Variants in CHD6 observed in about 807,000 individuals in gnomAD.
The protein encoded by CHD6 is chromodomain helicase DNA binding protein 6.
A neutral mutation model predicts 276.9 loss-of-function variants in CHD6; 50 were observed. The observed-to-expected ratio is 0.18, with a 90% CI of 0.14 to 0.23. CHD6 has a LOEUF of 0.23. CHD6 is among the 10% of genes least tolerant of loss of function. The pLI is 1.00. For synonymous variants in CHD6, 1,173 were observed against 1,229.3 expected, an observed-to-expected ratio of 0.95 and a Z score of 0.96; for missense variants, 2,564 against 3,365.8, an observed-to-expected ratio of 0.76 and a Z score of 5.89.
intron 27 of CHD6, among the ~76,000 whole-genome samples, chr20:41,426,762 ATGTG>A (rs2047377880): frequency 6.6e-6 from 1 of 152,206 alleles, no homozygotes; most frequent in Non-Finnish European, 1.5e-5. Flanking sequence ...AAGTCGGTGT[ATGTG>A]TCAAACCAGC....
intron 1 of CHD6, among the ~76,000 whole-genome samples, chr20:41,608,708 C>T (rs2045854694): frequency 6.6e-6 from 1 of 152,172 alleles, no homozygotes; most frequent in African/African-American, 2.4e-5. Context: ...TCAGAAGTAC[C>T]TTCTAACTCT....
chr20:41,556,645 T>C (rs1318591408), intron 1 of CHD6, among the ~76,000 whole-genome samples: 2 of 152,152 alleles, frequency 1.3e-5, no homozygotes, highest in Non-Finnish European at 2.9e-5. Flanking sequence ...TCTAGTTCAC[T>C]GAAAGCAGAC....
rs1279972402 is a variant in CHD6, at chr20:41,592,058, C to T, written c.-24+26282G>A. On this transcript the variant is annotated intron_variant, in intron 1 of 36. Coordinates refer to ENST00000373233, the MANE Select transcript of CHD6 (RefSeq NM_032221.5). ...AGCTTGTAGTGAGCCGAGATCGTGC[C>T]GCTGCACTCCAGCCTGGGCGACAGA... 4.6e-5 allele frequency among the ~76,000 whole-genome samples: 7 copies of T among 152,110 alleles called. No homozygotes were observed. In the South Asian group the frequency reaches 6.2e-4, roughly 13 times the overall value.
chr20:41,530,152 A>C (rs1455190219), intron 3 of CHD6, among the ~76,000 whole-genome samples: 2 of 152,210 alleles, frequency 1.3e-5, no homozygotes, highest in Non-Finnish European at 2.9e-5. Context: ...ACAAGCTAAC[A>C]AATGTTTTTC....
chr20:41,440,235 C>A, intron 25 of CHD6, 106 bp from the exon 26 acceptor site: 6 of 1,023,616 alleles, frequency 5.9e-6, no homozygotes, highest in Admixed American at 4.5e-5. Context: ...ACAAAACAAA[C>A]ACAAAAAAAT....
At chr20:41,432,508 T>C (rs570895271) in intron 27 of CHD6, among the ~76,000 whole-genome samples, 2 of 152,124 alleles carry the variant, frequency 1.3e-5, no homozygotes, top group South Asian at 4.2e-4. Flanking sequence ...CTGCTCAAAG[T>C]AATGAGAAAC....
chr20:41,604,729 C>T (rs1375793484), intron 1 of CHD6, among the ~76,000 whole-genome samples: 2 of 152,202 alleles, frequency 1.3e-5, no homozygotes, highest in East Asian at 1.9e-4. Context: ...CAATTCCCCA[C>T]CTGTGGCGGG....
chr20:41,455,848 C>A lies in CHD6; in HGVS notation c.2961G>T (p.Thr987=), dbSNP rs201411265. ...CCTCAGACTGGATGGTGATGGTGTG[C>A]GTTCGCCTCTGCAGAATCTGGTCTA... ...EDIDQILQRR[T]HTITIQSEGK... Residue 987 remains threonine, a synonymous_variant, in exon 19 of 37, where the codon ACG becomes ACT. Transcript: ENST00000373233. The A allele has an allele frequency of 6.2e-7, 1 of 1,610,800 alleles. No homozygotes were observed. The highest frequency in any genetic ancestry group is 1.1e-5 in the South Asian group (1 of 90,510).
intron 1 of CHD6, among the ~76,000 whole-genome samples, chr20:41,617,293 A>C (rs1445172169): frequency 6.6e-6 from 1 of 152,196 alleles, no homozygotes; most frequent in Non-Finnish European, 1.5e-5. Flanking sequence ...TACGAGCTCA[A>C]AATTGAATTA....
intron 16 of CHD6, among the ~76,000 whole-genome samples, chr20:41,481,500 A>C (rs2043294744): frequency 6.6e-6 from 1 of 152,114 alleles, no homozygotes; most frequent in South Asian, 2.1e-4. Flanking sequence ...TTACAAATTA[A>C]AGAGAGAATA....
chr20:41,472,692 C>A (rs1057415413), intron 17 of CHD6, among the ~76,000 whole-genome samples: 4 of 152,198 alleles, frequency 2.6e-5, no homozygotes, highest in Non-Finnish European at 5.9e-5. Context: ...CTGGACCCTG[C>A]CATTTTCTTG....
At chr20:41,535,578 G>A (rs567649602) in intron 2 of CHD6, among the ~76,000 whole-genome samples, 2 of 152,274 alleles carry the variant, frequency 1.3e-5, no homozygotes, top group South Asian at 2.1e-4. Flanking sequence ...GTTAAATGCA[G>A]CCAGGCATGG....
At chr20:41,569,715 TA>T (rs2045396164) in intron 1 of CHD6, among the ~76,000 whole-genome samples, 5 of 152,196 alleles carry the variant, frequency 3.3e-5, no homozygotes, top group Non-Finnish European at 2.9e-5. Context: ...ATAAGGCAAT[TA>T]AAATATAAAA....
Position 41,499,377 on chromosome 20 carries a change from A to G in CHD6, c.853-20T>C. The G allele has an allele frequency of 1.3e-6, 2 of 1,566,374 alleles. No individual in the cohort carries two copies. The highest frequency in any genetic ancestry group is 8.7e-7 in the Non-Finnish European group (1 of 1,154,962). ...AGGCTCCTGGGGACAAAGATAAAAA[A>G]AAAAGAAAATTGCTGGAACCACAGA... On this transcript the variant is annotated intron_variant, in intron 5 of 36. Coordinates refer to ENST00000373233, the MANE Select transcript of CHD6 (RefSeq NM_032221.5).
intron 8 of CHD6, among the ~76,000 whole-genome samples, chr20:41,494,577 C>T (rs993889130): frequency 1.3e-5 from 2 of 152,128 alleles, no homozygotes; most frequent in African/African-American, 4.8e-5. Flanking sequence ...CTATAATTAC[C>T]TTACAGATTA....
intron 31 of CHD6, among the ~76,000 whole-genome samples, chr20:41,417,598 C>T (rs183049717): frequency 6.6e-6 from 1 of 152,298 alleles, no homozygotes; most frequent in Admixed American, 6.5e-5. Flanking sequence ...CATATCCCAA[C>T]ACAAGAAAAG....
chr20:41,605,871 T>G (rs1462572280), intron 1 of CHD6, among the ~76,000 whole-genome samples: 1 of 152,222 alleles, frequency 6.6e-6, no homozygotes, highest in Non-Finnish European at 1.5e-5. Flanking sequence ...GTATGAATAC[T>G]TGACCAAATG....
intron 27 of CHD6, among the ~76,000 whole-genome samples, chr20:41,434,046 A>G (rs2047626323): frequency 6.6e-6 from 1 of 152,204 alleles, no homozygotes; most frequent in African/African-American, 2.4e-5. Flanking sequence ...AGACAATAAA[A>G]TGACAGGCTT....
intron 31 of CHD6, among the ~76,000 whole-genome samples, chr20:41,419,693 C>A (rs773076688): frequency 3.0e-4 from 46 of 151,224 alleles, no homozygotes; most frequent in Non-Finnish European, 6.0e-4. Flanking sequence ...CACCCCTCAG[C>A]ACCACAGTGG....
Sources: allele counts gnomAD v4.1 joint callset (sites outside exome capture counted in the v4.1 genomes callset), GRCh38; gene constraint gnomAD v4.1.1; transcripts MANE v1.5; gene names NCBI Gene and HGNC (gene_info 2026-07-23, HGNC 2026-07-21).